The following CARS2 variants were observed in gnomAD, a reference collection of about 807,000 sequenced individuals.
CARS2 encodes probable cysteine--tRNA ligase, mitochondrial.
CARS2 carries 52 observed loss-of-function variants against 68.8 expected under a neutral mutation model. That is an observed-to-expected ratio of 0.76 (90% CI 0.61 to 0.95). CARS2 has a LOEUF of 0.95. Among genes scored for constraint, CARS2 ranks in the 40% least tolerant of loss-of-function variants. CARS2 has a pLI of 0.00. For synonymous variants in CARS2, 314 were observed against 303.6 expected (o/e 1.03, Z -0.36); for missense variants, 780 against 754.2 (o/e 1.03, Z -0.40).
chr13:110,650,641 C>G (rs1243611056), intron 10 of CARS2: 1 of 190,430 alleles, frequency 5.3e-6, no homozygotes, highest in African/African-American at 2.4e-5. Context: ...ACACACCGTT[C>G]GGGGAAGTGC....
At chr13:110,666,256 G>C (rs960660689) in intron 8 of CARS2, 10 of 985,260 alleles carry the variant, frequency 1.0e-5, no homozygotes, top group African/African-American at 1.7e-5. Context: ...AAGTGAGGGC[G>C]GCAGGCGTTT....
chr13:110,708,394 G>A (rs186296392), upstream of CARS2, among the ~76,000 whole-genome samples: 21 of 152,352 alleles, frequency 1.4e-4, no homozygotes, highest in Non-Finnish European at 2.1e-4. Flanking sequence ...AACTGGAGCA[G>A]AGATTCTGAA....
At chr13:110,692,121 CATATATAT>C (rs1353275203) in intron 3 of CARS2, among the ~76,000 whole-genome samples, 7 of 138,924 alleles carry the variant, frequency 5.0e-5, no homozygotes, top group African/African-American at 2.2e-4. Context: ...TATACACACA[CATATATAT>C]ACATATATAT....
intron 9 of CARS2, among the ~76,000 whole-genome samples, chr13:110,651,476 C>T (rs538112484): frequency 1.3e-5 from 2 of 152,138 alleles, no homozygotes; most frequent in African/African-American, 2.4e-5. Flanking sequence ...AGGTAGGTGG[C>T]GGGAGGCACA....
In CARS2 at chr13:110,668,574, C is replaced by T. The variant is rs1007925575; in HGVS notation, c.786-1101G>A. Among the ~76,000 whole-genome samples the T allele has an allele frequency of 7.3e-5, 11 of 151,682 alleles. No homozygotes were observed. Among genetic ancestry groups the T allele is most frequent in the Admixed American group, 2.6e-4 (4 of 15,246 alleles). Reference sequence around the variant, plus strand: ...AAAAAAGATTTTTACATCTTAGTGACGGGTCGTCTTAGGGTAACTCTAACA... The same window carrying T: ...AAAAAAGATTTTTACATCTTAGTGATGGGTCGTCTTAGGGTAACTCTAACA... On this transcript the variant is annotated intron_variant, in intron 7 of 14. Coordinates refer to ENST00000257347, the MANE Select transcript of CARS2 (RefSeq NM_024537.4). This position sits in a 1 kb window ranked among gnomAD's most constrained non-coding sequence, Gnocchi z 4.1.
In CARS2 at chr13:110,706,085, C is replaced by A. The variant is rs766060435; in HGVS notation, c.9G>T (p.Arg3Ser). The change falls in exon 1 of 15, where the codon AGG becomes AGT. Residue 3 changes from arginine (R) to serine (S), a missense_variant. Arg to Ser is a moderately radical substitution (Grantham distance 110). Transcript: ENST00000257347. ...GGCCCAGGCCTGGGCCGCGCGTAGTCCTCAACATGTCAGCGGCCAGCGCCT... is the reference window on the plus strand; with the variant it reads ...GGCCCAGGCCTGGGCCGCGCGTAGTACTCAACATGTCAGCGGCCAGCGCCT... ML[R>S]TTRGPGLGPP... is the part of the protein sequence containing the mutation. 1.2e-4 allele frequency: 157 copies of A among 1,320,178 alleles called. No individual in the cohort carries two copies. The highest frequency in any genetic ancestry group is 1.2e-4 in the Non-Finnish European group (127 of 1,038,294). 81.8% of individuals were successfully genotyped at this position (1,320,178 alleles called of 1,614,324 possible).
chr13:110,677,142 A>C, intron 6 of CARS2, 39 bp from the exon 7 acceptor site: 1 of 1,565,408 alleles, frequency 6.4e-7, no homozygotes, highest in Non-Finnish European at 8.7e-7. Flanking sequence ...GAAGAAGCTC[A>C]GTCACCCCAC....
chr13:110,646,133 C>G, intron 11 of CARS2, 43 bp from the exon 12 acceptor site: 2 of 1,589,588 alleles, frequency 1.3e-6, no homozygotes, highest in Non-Finnish European at 1.7e-6. Context: ...GGGAGCTCCA[C>G]TCTCCCCAGG....
intron 13 of CARS2, chr13:110,644,053 A>C: frequency 8.0e-7 from 1 of 1,254,084 alleles, no homozygotes; most frequent in Non-Finnish European, 1.0e-6. Flanking sequence ...TCAGGAAAAA[A>C]TGTTCTCTTA....
chr13:110,655,477 C>T (rs898186654), intron 9 of CARS2, among the ~76,000 whole-genome samples: 10 of 152,110 alleles, frequency 6.6e-5, no homozygotes, highest in Admixed American at 4.6e-4. Context: ...GGTAGAAAAC[C>T]GACTGAGGCC....
intron 6 of CARS2, among the ~76,000 whole-genome samples, chr13:110,678,856 G>A (rs1424370834): frequency 6.6e-6 from 1 of 152,100 alleles, no homozygotes; most frequent in Non-Finnish European, 1.5e-5. Flanking sequence ...AAGAGTGGAC[G>A]GGGCTACAGA....
Position 110,687,794 on chromosome 13 carries a change from G to A in CARS2, c.498C>T (p.Thr166=), listed in dbSNP as rs757335344. The A allele has an allele frequency of 1.5e-5, 25 of 1,613,104 alleles. No homozygotes were observed. Among genetic ancestry groups the A allele is most frequent in the Middle Eastern group, 1.7e-4 (1 of 6,026 alleles). The change falls in exon 5 of 15, where the codon ACC becomes ACT. Residue 166 remains threonine (T), a synonymous_variant. Coordinates refer to ENST00000257347, the MANE Select transcript of CARS2 (RefSeq NM_024537.4). ...VLPPTVYLRV[T]ENIPQIISFI... is the part of the protein sequence containing the mutation. The stretch of plus-strand genomic sequence containing the variant: ...AAGAAATTATCTGAGGAATATTTTC[G>A]GTTACCCTCAGGTACACCGTGGGTG...
At chr13:110,671,109 G>A (rs543238741) in intron 7 of CARS2, among the ~76,000 whole-genome samples, 8 of 152,236 alleles carry the variant, frequency 5.3e-5, no homozygotes, top group African/African-American at 1.7e-4. Context: ...GAAAGTGACA[G>A]GGAGAATGGA....
intron 1 of CARS2, chr13:110,713,066 G>A (rs1369463488): frequency 6.9e-7 from 1 of 1,454,320 alleles, no homozygotes; most frequent in East Asian, 2.5e-5. Flanking sequence ...CCCGTGCCCG[G>A]CCCTCCCCTT....
chr13:110,644,147 G>T, intron 13 of CARS2: 1 of 1,419,524 alleles, frequency 7.0e-7, no homozygotes, highest in Non-Finnish European at 9.3e-7. Context: ...TGCTGAGATG[G>T]ACTCATCTCT....
upstream of CARS2, chr13:110,706,161 G>A (rs970094649): frequency 1.8e-6 from 2 of 1,142,040 alleles, no homozygotes; most frequent in African/African-American, 3.3e-5. Flanking sequence ...GGTCGCTCAA[G>A]AGCAGCACGG....
At chr13:110,651,128 G>C in intron 9 of CARS2, 28 bp from the exon 10 acceptor site, 1 of 1,565,754 alleles carries the variant, frequency 6.4e-7, no homozygotes, top group South Asian at 1.1e-5. Context: ...AGGCAGTCAC[G>C]AGGCTTTGCT....
chr13:110,709,879 A>G (rs1214986857), upstream of CARS2, among the ~76,000 whole-genome samples: 1 of 150,970 alleles, frequency 6.6e-6, no homozygotes, highest in Non-Finnish European at 1.5e-5. Flanking sequence ...AGTGTGTTAA[A>G]GTTAATGATT....
In CARS2 at chr13:110,667,455, T is replaced by C; in HGVS notation, c.804A>G (p.Gln268=). Residue 268 remains glutamine, a synonymous_variant, in exon 8 of 15, where the codon CAA becomes CAG. Transcript: ENST00000257347. ...CTATCCCACCTGAATGGATATCCAG[T>C]TGACTTCCAAATACCATACTGCAAG... ...SAIASMVFGS[Q]LDIHSGGIDL... 6.2e-7 allele frequency: 1 copy of C among 1,613,936 alleles called. No individual in the cohort carries two copies. Among genetic ancestry groups the C allele is most frequent in the Admixed American group, 1.7e-5 (1 of 60,002 alleles).
Sources: gnomAD v4.1 joint callset for allele counts (sites outside exome capture counted in the v4.1 genomes callset) on GRCh38, gnomAD v4.1.1 for gene constraint, Gnocchi (gnomAD v3.1) non-coding constraint, MANE v1.5 for transcripts, NCBI Gene and HGNC (gene_info 2026-07-23, HGNC 2026-07-21) for gene names.